Variants in SPECC1 observed in about 807,000 individuals in gnomAD.
SPECC1 encodes the protein cytospin-B.
A neutral mutation model predicts 104.1 loss-of-function variants in SPECC1; 62 were observed. The ratio of observed to expected loss-of-function variants is 0.60; its 90% CI spans 0.49 to 0.74. The LOEUF (loss-of-function observed/expected upper bound fraction) is 0.74, where lower values mean the gene tolerates loss of function less well. Among genes scored for constraint, SPECC1 ranks in the 30% least tolerant of loss-of-function variants. SPECC1 has a pLI of 0.00. For missense variants in SPECC1, 1,306 were observed against 1,310.5 expected, an observed-to-expected ratio of 1.00 and a Z score of 0.05; for synonymous variants, 513 against 501.6, an observed-to-expected ratio of 1.02 and a Z score of -0.30.
intron 1 of SPECC1, among the ~76,000 whole-genome samples, chr17:20,022,731 T>A (rs2044442783): frequency 6.6e-6 from 1 of 152,220 alleles, no homozygotes; most frequent in East Asian, 1.9e-4. Flanking sequence ...TCTCTTGACC[T>A]CCTGGCCACT....
At chr17:20,222,578 T>G (rs1598018611) in intron 4 of SPECC1, among the ~76,000 whole-genome samples, 1 of 152,242 alleles carries the variant, frequency 6.6e-6, no homozygotes, top group Non-Finnish European at 1.5e-5. Context: ...TTATACCATG[T>G]CTTGAAAAGT....
intron 3 of SPECC1, chr17:20,112,960 AC>A: frequency 8.1e-7 from 1 of 1,235,828 alleles, no homozygotes; most frequent in Non-Finnish European, 1.2e-6. Flanking sequence ...AGATGCTAAC[AC>A]CACTACACAT....
intron 3 of SPECC1, among the ~76,000 whole-genome samples, chr17:20,113,317 T>G (rs1567852650): frequency 6.6e-6 from 1 of 152,196 alleles, no homozygotes; most frequent in Non-Finnish European, 1.5e-5. Flanking sequence ...GATGTGGAAA[T>G]ACCATCTTGG....
At chr17:20,305,793 A>G in intron 13 of SPECC1, 1 of 445,852 alleles carries the variant, frequency 2.2e-6, no homozygotes, top group Non-Finnish European at 4.0e-6. Flanking sequence ...ACAAAGGTAA[A>G]CAAAAATTTA....
At chr17:20,090,567 G>C (rs1448240210) in intron 1 of SPECC1, among the ~76,000 whole-genome samples, 1 of 147,604 alleles carries the variant, frequency 6.8e-6, no homozygotes, top group East Asian at 2.0e-4. Context: ...TGTTTACTTT[G>C]CACTAGACCA....
chr17:20,113,275 A>G (rs1451859765), intron 3 of SPECC1, among the ~76,000 whole-genome samples: 1 of 152,172 alleles, frequency 6.6e-6, no homozygotes, highest in Admixed American at 6.5e-5. Context: ...GACCAGGAAT[A>G]GTATCTATTA....
chr17:20,036,178 G>A (rs1366639007), intron 1 of SPECC1, among the ~76,000 whole-genome samples: 1 of 151,772 alleles, frequency 6.6e-6, no homozygotes, highest in African/African-American at 2.4e-5. Context: ...TCTGTCACCA[G>A]GCTGGAATGC....
chr17:20,117,665 T>C (rs1279699025), intron 3 of SPECC1, among the ~76,000 whole-genome samples: 1 of 142,894 alleles, frequency 7.0e-6, no homozygotes, highest in East Asian at 2.1e-4. Context: ...GTGCCTGTAG[T>C]CCCAGCTGCT....
chr17:20,200,682 C>T (rs148829633), intron 3 of SPECC1, among the ~76,000 whole-genome samples: 1 of 152,184 alleles, frequency 6.6e-6, no homozygotes, highest in Non-Finnish European at 1.5e-5. Flanking sequence ...AGGGCTGTTG[C>T]TCTTTACTTT....
At chr17:20,132,979 TC>T (rs2152550356) in intron 3 of SPECC1, among the ~76,000 whole-genome samples, 1 of 152,232 alleles carries the variant, frequency 6.6e-6, no homozygotes, top group African/African-American at 2.4e-5. Flanking sequence ...GACCTCGTGA[TC>T]CTGCCGCCTC....
intron 1 of SPECC1, among the ~76,000 whole-genome samples, chr17:20,037,438 A>C (rs889366261): frequency 6.6e-6 from 1 of 151,038 alleles, no homozygotes; most frequent in Non-Finnish European, 1.5e-5. Flanking sequence ...GGTGTGAGCC[A>C]CTGCACCTGG....
At chr17:20,184,181 C>CAAAAA (rs759475722) in intron 3 of SPECC1, among the ~76,000 whole-genome samples, 1 of 44,220 alleles carries the variant, frequency 2.3e-5, no homozygotes, top group South Asian at 8.1e-4. Context: ...ACTCCTGTCT[C>CAAAAA]AAAAAAAAAA....
intron 14 of SPECC1, among the ~76,000 whole-genome samples, chr17:20,310,210 G>A (rs1177028655): frequency 6.6e-6 from 1 of 152,260 alleles, no homozygotes; most frequent in Non-Finnish European, 1.5e-5. Flanking sequence ...AAGTGTGCAT[G>A]TGTTTTTGAT....
chr17:20,089,352 G>A (rs893988943), intron 1 of SPECC1, among the ~76,000 whole-genome samples: 1 of 152,178 alleles, frequency 6.6e-6, no homozygotes, highest in Admixed American at 6.5e-5. Flanking sequence ...TGGGCTGAGT[G>A]CAGTGGCTCA....
chr17:20,231,952 A>G, intron 6 of SPECC1, 121 bp downstream of exon 6: 1 of 1,093,240 alleles, frequency 9.1e-7, no homozygotes, highest in Non-Finnish European at 1.4e-6. Flanking sequence ...GGGCCCTGGA[A>G]CTGTAAATTC....
chr17:20,056,580 A>G (rs2045975122), intron 1 of SPECC1: 1 of 210,128 alleles, frequency 4.8e-6, no homozygotes, highest in African/African-American at 2.3e-5. Flanking sequence ...TTTACCTCCC[A>G]ATAAATAGAG....
At chr17:20,305,752 A>G in intron 13 of SPECC1, 1 of 371,502 alleles carries the variant, frequency 2.7e-6, no homozygotes, top group Non-Finnish European at 4.9e-6. Context: ...TATGCCATAA[A>G]TCTTGCAAAG....
intron 5 of SPECC1, among the ~76,000 whole-genome samples, chr17:20,231,234 GGGACTAGAA>G (rs2038554916): frequency 6.6e-6 from 1 of 152,174 alleles, no homozygotes; most frequent in African/African-American, 2.4e-5. Flanking sequence ...TCTGGAGTGT[GGGACTAGAA>G]CATCGGTGCT....
intron 1 of SPECC1, among the ~76,000 whole-genome samples, chr17:20,037,091 GT>G (rs1567805971): frequency 6.6e-6 from 1 of 152,064 alleles, no homozygotes; most frequent in Non-Finnish European, 1.5e-5. Context: ...TCTTTAGTAC[GT>G]TCATATAGTG....
Sources: gnomAD v4.1 joint callset for allele counts (sites outside exome capture counted in the v4.1 genomes callset) on GRCh38, gnomAD v4.1.1 for gene constraint, MANE v1.5 for transcripts, NCBI Gene and HGNC (gene_info 2026-07-23, HGNC 2026-07-21) for gene names.